The following CACNG3 variants were observed in gnomAD, a reference collection of about 807,000 sequenced individuals.
The protein encoded by CACNG3 is voltage-dependent calcium channel gamma-3 subunit.
CACNG3 carries 3 observed loss-of-function variants against 28.5 expected under a neutral mutation model. That is an observed-to-expected ratio of 0.11 (90% confidence interval 0.05 to 0.27). CACNG3 has a LOEUF of 0.27. Ranked by LOEUF, CACNG3 falls within the 10% of genes least tolerant of loss-of-function variation. CACNG3 has a pLI of 1.00. For missense variants in CACNG3, 236 were observed against 414.4 expected (o/e 0.57, Z 3.74); for synonymous variants, 174 against 162.2 (o/e 1.07, Z -0.55).
intron 1 of CACNG3, among the ~76,000 whole-genome samples, chr16:24,323,595 TA>T (rs1478473519): frequency 6.6e-6 from 1 of 152,216 alleles, no homozygotes; most frequent in Non-Finnish European, 1.5e-5. Context: ...CATGTTGATA[TA>T]AAGCAGTTGA....
At chr16:24,324,738 C>A (rs1899517097) in intron 1 of CACNG3, among the ~76,000 whole-genome samples, 1 of 152,206 alleles carries the variant, frequency 6.6e-6, no homozygotes, top group African/African-American at 2.4e-5. Context: ...CTTCTCTCAG[C>A]TTTTCTCTCC....
At chr16:24,327,188 A>C in intron 1 of CACNG3, among the ~76,000 whole-genome samples, 1 of 140,612 alleles carries the variant, frequency 7.1e-6, no homozygotes, top group Admixed American at 7.1e-5. Flanking sequence ...GGAAAAGAAG[A>C]CTTGGGCTCA....
intron 1 of CACNG3, among the ~76,000 whole-genome samples, chr16:24,259,155 G>A (rs1030379968): frequency 1.3e-5 from 2 of 152,282 alleles, no homozygotes; most frequent in African/African-American, 2.4e-5. Flanking sequence ...CATACAACTT[G>A]GCCTGGCTTT....
At chr16:24,320,121 A>G (rs1023998597) in intron 1 of CACNG3, among the ~76,000 whole-genome samples, 1 of 152,240 alleles carries the variant, frequency 6.6e-6, no homozygotes, top group Non-Finnish European at 1.5e-5. Context: ...ATGTTAAAGC[A>G]TGTGACATAA....
chr16:24,327,162 A>G (rs1301149273), intron 1 of CACNG3, among the ~76,000 whole-genome samples: 1 of 141,794 alleles, frequency 7.1e-6, no homozygotes, highest in Non-Finnish European at 1.5e-5. Flanking sequence ...AAGCCATAGC[A>G]ATGAGAGAAG....
At chr16:24,290,092 T>C (rs914946961) in intron 1 of CACNG3, among the ~76,000 whole-genome samples, 1 of 152,272 alleles carries the variant, frequency 6.6e-6, no homozygotes, top group African/African-American at 2.4e-5. Context: ...AACTCTACTG[T>C]AACACTCAAA....
chr16:24,312,265 C>T (rs996007434), intron 1 of CACNG3, among the ~76,000 whole-genome samples: 2 of 152,142 alleles, frequency 1.3e-5, no homozygotes, highest in Admixed American at 6.5e-5. Context: ...ATAACTGAGC[C>T]GAGCATCTGC....
chr16:24,302,604 A>T (rs1396063713), intron 1 of CACNG3, among the ~76,000 whole-genome samples: 1 of 151,748 alleles, frequency 6.6e-6, no homozygotes, highest in Non-Finnish European at 1.5e-5. Context: ...ACAGGCATGC[A>T]CCACTATGCC....
chr16:24,328,323 GA>G (rs1219332517), intron 1 of CACNG3, among the ~76,000 whole-genome samples: 1 of 151,332 alleles, frequency 6.6e-6, no homozygotes, highest in African/African-American at 2.4e-5. Flanking sequence ...CCTGAGGCAG[GA>G]AAGATAAAAC....
chr16:24,349,605 C>T lies in CACNG3; in HGVS notation c.295+2788C>T, dbSNP rs79224127. Among the ~76,000 whole-genome samples the T allele has an allele frequency of 4.8e-3, 730 of 152,260 alleles. 1 individual carries two copies. The highest frequency in any genetic ancestry group is 8.1e-3 in the Non-Finnish European group (552 of 68,008). On this transcript the variant is annotated intron_variant, in intron 2 of 3. Coordinates refer to ENST00000005284, the MANE Select transcript of CACNG3 (RefSeq NM_006539.4). ...CCATGGCATCTGTAAAGTGTCACGG[C>T]GCTGGCGAGAGTGTCTCTTCACATG...
chr16:24,316,113 A>T (rs1228069172), intron 1 of CACNG3, among the ~76,000 whole-genome samples: 1 of 151,866 alleles, frequency 6.6e-6, no homozygotes, highest in Non-Finnish European at 1.5e-5. Flanking sequence ...TGAGGTTCAG[A>T]GAGTGTAAGC....
At chr16:24,350,102 G>A (rs753585347) in intron 2 of CACNG3, among the ~76,000 whole-genome samples, 6 of 152,156 alleles carry the variant, frequency 3.9e-5, no homozygotes, top group Non-Finnish European at 7.4e-5. Flanking sequence ...TATGTCCACT[G>A]GGCTAAAACA....
At chr16:24,350,959 A>G (rs1265360525) in intron 2 of CACNG3, among the ~76,000 whole-genome samples, 1 of 152,206 alleles carries the variant, frequency 6.6e-6, no homozygotes, top group East Asian at 1.9e-4. Flanking sequence ...ATTAAAAATA[A>G]GCTACACTCA....
chr16:24,343,473 A>G (rs1171908611), intron 1 of CACNG3, among the ~76,000 whole-genome samples: 2 of 152,166 alleles, frequency 1.3e-5, no homozygotes, highest in East Asian at 1.9e-4. Flanking sequence ...CTAACAATGG[A>G]TGGTGTCACT....
In CACNG3 at chr16:24,353,298, C is replaced by G. The variant is rs529997836; in HGVS notation, c.296-1535C>G. ...CTAGGCCTCACATTTTTGTGTTGCA[C>G]AAGGCCCTGTAAATTATGCCGCTGG... On this transcript the variant is annotated intron_variant, in intron 2 of 3. Transcript: ENST00000005284. Among the ~76,000 whole-genome samples, 10 of 152,306 alleles carry G rather than the reference C, an allele frequency of 6.6e-5. No homozygotes were observed. In the South Asian group the frequency reaches 2.1e-3, roughly 32 times the overall value.
chr16:24,354,781 AC>A, intron 2 of CACNG3, 51 bp from the exon 3 acceptor site: 2 of 1,584,240 alleles, frequency 1.3e-6, no homozygotes, highest in South Asian at 2.3e-5. Context: ...CAATGGGAGG[AC>A]CCCAGGGGCT....
chr16:24,337,099 C>A (rs1225062602), intron 1 of CACNG3, among the ~76,000 whole-genome samples: 1 of 152,136 alleles, frequency 6.6e-6, no homozygotes, highest in Non-Finnish European at 1.5e-5. Context: ...CAGGTGTGAG[C>A]CACCATGCCC....
At chr16:24,345,951 C>T (rs1459905465) in intron 1 of CACNG3, among the ~76,000 whole-genome samples, 2 of 152,050 alleles carry the variant, frequency 1.3e-5, no homozygotes, top group Non-Finnish European at 1.5e-5. Flanking sequence ...AAAGTAATTG[C>T]ACAACTGCAC....
rs374019825 is a variant in CACNG3 at position 24,285,598 on chromosome 16, GAGGC to G, written c.211+28637_211+28640del. On this transcript the variant is annotated intron_variant, in intron 1 of 3. Coordinates refer to ENST00000005284, the MANE Select transcript of CACNG3 (RefSeq NM_006539.4). ...TCTAGTCCCAGCTATTTAAGAGGCT[GAGGC>G]AGGAGGAGTTCAAGTCTAGCCTGGG... is the stretch of plus-strand genomic sequence containing the variant. Among the ~76,000 whole-genome samples the G allele has an allele frequency of 1.5e-4, 23 of 152,282 alleles. No individual in the cohort carries two copies. In the East Asian group the frequency reaches 4.4e-3, roughly 29 times the overall value.
Sources: gnomAD v4.1 joint callset for allele counts (sites outside exome capture counted in the v4.1 genomes callset) on GRCh38, gnomAD v4.1.1 for gene constraint, MANE v1.5 for transcripts, NCBI Gene and HGNC (gene_info 2026-07-23, HGNC 2026-07-21) for gene names.